CFI: variants seen among roughly 807,000 people sequenced by gnomAD.
CFI encodes complement factor I, also known as C3B/C4B inactivator.
Under a neutral mutation model 78.8 loss-of-function variants are expected in CFI, and 66 were observed. The observed-to-expected ratio is 0.84, with a 90% CI of 0.69 to 1.03. The LOEUF is 1.03. Among genes scored for constraint, CFI ranks in the 50% least tolerant of loss-of-function variants. The pLI is 0.00. For synonymous variants in CFI, 250 were observed against 232.6 expected (o/e 1.07, Z -0.68); for missense variants, 706 against 704.5 (o/e 1.00, Z -0.02).
chr4:109,749,287 G>A lies in CFI; in HGVS notation c.1079C>T (p.Ala360Val), dbSNP rs766485759. 6 of 1,613,946 alleles carry A rather than the reference G, an allele frequency of 3.7e-6. No homozygotes were observed. Among genetic ancestry groups the A allele is most frequent in the Non-Finnish European group, 5.1e-6 (6 of 1,179,988 alleles). Residue 360 changes from alanine (A) to valine (V), a missense_variant, in exon 10 of 13, where the codon GCC becomes GTC. By Grantham distance (64) the Ala-to-Val change is moderately conservative. Transcript: ENST00000394634. Reference sequence around the variant, plus strand: ...AATTCCCCCACAGGTGATTCCACTGGCATCCTTAATTGCCACCTGCCATGG... The same window carrying A: ...AATTCCCCCACAGGTGATTCCACTGACATCCTTAATTGCCACCTGCCATGG... ...DLPWQVAIKD[A>V]SGITCGGIYI...
At chr4:109,770,077 C>T (rs924401829) in intron 1 of CFI, among the ~76,000 whole-genome samples, 7 of 152,188 alleles carry the variant, frequency 4.6e-5, no homozygotes, top group Admixed American at 1.3e-4. Context: ...CGCTACCTCA[C>T]TCTGTTACAT....
chr4:109,764,461 A>G, intron 3 of CFI, 76 bp downstream of exon 3: 1 of 1,500,226 alleles, frequency 6.7e-7, no homozygotes, highest in Non-Finnish European at 9.2e-7. Flanking sequence ...ATTAATACAC[A>G]GAAAGGTTAG....
At chr4:109,744,260 T>C (rs1299367363) in intron 11 of CFI, among the ~76,000 whole-genome samples, 1 of 152,224 alleles carries the variant, frequency 6.6e-6, no homozygotes, top group Non-Finnish European at 1.5e-5. Context: ...AATGGTGTTG[T>C]GTCCTTATCT....
intron 8 of CFI, among the ~76,000 whole-genome samples, chr4:109,750,927 T>C (rs1385952930): frequency 6.6e-6 from 1 of 152,184 alleles, no homozygotes; most frequent in Non-Finnish European, 1.5e-5. Context: ...TAAGAGCATG[T>C]ACTTACTATA....
intron 1 of CFI, among the ~76,000 whole-genome samples, chr4:109,777,070 A>C (rs1168496822): frequency 6.6e-6 from 1 of 152,204 alleles, no homozygotes; most frequent in Non-Finnish European, 1.5e-5. Context: ...TCAACTAACG[A>C]GCAAAATAAC....
intron 1 of CFI, among the ~76,000 whole-genome samples, chr4:109,786,253 A>G (rs1160431365): frequency 6.6e-6 from 1 of 151,790 alleles, no homozygotes; most frequent in African/African-American, 2.4e-5. Context: ...CTGGTCTCGA[A>G]CTCCTGACCT....
intron 1 of CFI, among the ~76,000 whole-genome samples, chr4:109,773,342 A>C (rs918152448): frequency 2.0e-5 from 3 of 152,078 alleles, no homozygotes; most frequent in Admixed American, 6.6e-5. Flanking sequence ...CCTGGCCAAC[A>C]TGGTCTCTAC....
chr4:109,758,551 A>G (rs1416699471), intron 6 of CFI, among the ~76,000 whole-genome samples: 1 of 152,156 alleles, frequency 6.6e-6, no homozygotes, highest in East Asian at 1.9e-4. Context: ...CTGCCTCTCT[A>G]TAGATTTCTA....
chr4:109,760,675 G>C (rs1184755907), intron 4 of CFI, 39 bp from the exon 5 acceptor site: 2 of 1,178,876 alleles, frequency 1.7e-6, no homozygotes, highest in Non-Finnish European at 2.6e-6. Flanking sequence ...TTTATTTATG[G>C]AGTGGTGGCA....
chr4:109,758,285 T>G (rs1174440927), intron 6 of CFI, among the ~76,000 whole-genome samples: 1 of 151,852 alleles, frequency 6.6e-6, no homozygotes, highest in African/African-American at 2.4e-5. Flanking sequence ...TTTGAAATGT[T>G]ATTCACTAAT....
intron 1 of CFI, among the ~76,000 whole-genome samples, chr4:109,783,812 G>T (rs61376553): frequency 0.058 from 6,512 of 112,608 alleles, 688 homozygotes; most frequent in East Asian, 0.19. Flanking sequence ...AAGAAACTGT[G>T]ATATATATAT....
chr4:109,768,783 T>TA (rs1184261569), intron 1 of CFI, among the ~76,000 whole-genome samples: 9 of 152,344 alleles, frequency 5.9e-5, no homozygotes, highest in African/African-American at 2.2e-4. Context: ...TCATAGTCTT[T>TA]AAATGCCGTT....
chr4:109,769,101 A>G (rs908514024), intron 1 of CFI, among the ~76,000 whole-genome samples: 3 of 152,138 alleles, frequency 2.0e-5, no homozygotes, highest in Admixed American at 6.6e-5. Context: ...GGTTTTATTT[A>G]TCACCTTTAT....
intron 1 of CFI, among the ~76,000 whole-genome samples, chr4:109,770,261 G>A (rs1728394179): frequency 6.6e-6 from 1 of 152,148 alleles, no homozygotes; most frequent in South Asian, 2.1e-4. Context: ...AGTGGAAGTA[G>A]AAGCTTGACT....
downstream of CFI, among the ~76,000 whole-genome samples, chr4:109,739,489 G>T (rs1195139677): frequency 1.3e-5 from 2 of 152,140 alleles, no homozygotes; most frequent in Non-Finnish European, 2.9e-5. Flanking sequence ...GATTAAAGTA[G>T]GTGGTGTGAC....
At chr4:109,754,775 A>G (rs1469087080) in intron 7 of CFI, among the ~76,000 whole-genome samples, 1 of 152,192 alleles carries the variant, frequency 6.6e-6, no homozygotes, top group Non-Finnish European at 1.5e-5. Context: ...TGTGAATCAG[A>G]GAAGACTCAA....
In CFI at chr4:109,760,505, G is replaced by T; in HGVS notation, c.772+18C>A. ...GAAAAATGAATTTAGAGGATTTAGA[G>T]GCTAGATTTATGTCTACCTTTACAA... is the stretch of plus-strand genomic sequence containing the variant. On this transcript the variant is annotated intron_variant, in intron 5 of 12. Transcript: ENST00000394634. 6.6e-7 allele frequency: 1 copy of T among 1,504,418 alleles called. No individual in the cohort carries two copies. The highest frequency in any genetic ancestry group is 9.3e-7 in the Non-Finnish European group (1 of 1,079,960). The allele number at this position is 1,504,418 out of a possible 1,614,324, so 93.2% of individuals were successfully genotyped here.
intron 6 of CFI, 53 bp from the exon 7 acceptor site, chr4:109,757,836 G>T (rs1260055116): frequency 7.3e-7 from 1 of 1,363,672 alleles, no homozygotes; most frequent in Non-Finnish European, 1.0e-6. Context: ...TGGAAAAAAT[G>T]CACACTATAG....
chr4:109,779,959 A>G (rs1283165200), intron 1 of CFI, among the ~76,000 whole-genome samples: 1 of 149,296 alleles, frequency 6.7e-6, no homozygotes, highest in African/African-American at 2.4e-5. Context: ...TCCCTTCCTT[A>G]TAAGGTGTAT....
Sources: gnomAD v4.1 joint callset for allele counts (sites outside exome capture counted in the v4.1 genomes callset) on GRCh38, gnomAD v4.1.1 for gene constraint, MANE v1.5 for transcripts, NCBI Gene and HGNC (gene_info 2026-07-23, HGNC 2026-07-21) for gene names.